Variants in ABCG2 observed in about 807,000 individuals in gnomAD.
ABCG2 encodes broad substrate specificity ATP-binding cassette transporter ABCG2.
Under a neutral mutation model 73.5 loss-of-function variants are expected in ABCG2, and 80 were observed. That is an observed-to-expected ratio of 1.09 (90% CI 0.91 to 1.31). The LOEUF (loss-of-function observed/expected upper bound fraction) is 1.31, where lower values mean the gene tolerates loss of function less well. ABCG2 is among the 50% of genes most tolerant of loss of function. ABCG2 has a pLI of 0.00. For synonymous variants in ABCG2, 269 were observed against 282.4 expected, an observed-to-expected ratio of 0.95 and a Z score of 0.48; for missense variants, 796 against 786.2, an observed-to-expected ratio of 1.01 and a Z score of -0.15.
Position 88,132,585 on chromosome 4 carries a change from C to T in ABCG2, c.254G>A (p.Gly85Asp). The T allele has an allele frequency of 6.2e-7, 1 of 1,614,154 alleles. No homozygotes were observed. Among genetic ancestry groups the T allele is most frequent in the Non-Finnish European group, 8.5e-7 (1 of 1,180,004 alleles). ...ACTCTCTTATACTCACGAAGATTTG[C>T]CTCCACCTGTGGGTCCCAGGATGGC... ...LNAILGPTGG[G>D]KSSLLDVLAA... Residue 85 changes from glycine to aspartate, a missense_variant, in exon 3 of 16, where the codon GGC becomes GAC. Physicochemically the swap from Gly to Asp is moderately conservative, Grantham distance 94. Coordinates refer to ENST00000237612, the MANE Select transcript of ABCG2 (RefSeq NM_004827.3).
chr4:88,179,920 A>T (rs2110099167), intron 1 of ABCG2, among the ~76,000 whole-genome samples: 2 of 152,330 alleles, frequency 1.3e-5, no homozygotes, highest in African/African-American at 4.8e-5. Flanking sequence ...AAAAAGAATG[A>T]AGCATGCCAA....
At position 88,175,197 on chromosome 4, in the gene ABCG2, T is replaced by C. The variant is rs576043906; in HGVS notation, c.-19-35183A>G. ...ACATGATTGCGTCTTAATAGTTTCGTTAACCACATCCTTTTGCCTTCCATT... is the reference window on the plus strand; with the variant it reads ...ACATGATTGCGTCTTAATAGTTTCGCTAACCACATCCTTTTGCCTTCCATT... On this transcript the variant is annotated intron_variant, in intron 1 of 15. Transcript: ENST00000515655. Among the ~76,000 whole-genome samples the C allele has an allele frequency of 7.9e-5, 12 of 152,366 alleles. No homozygotes were observed. In the East Asian group the frequency reaches 2.3e-3, roughly 29 times the overall value.
intron 1 of ABCG2, among the ~76,000 whole-genome samples, chr4:88,202,356 A>ATATATATATATATATATATATG: frequency 1.4e-5 from 1 of 72,628 alleles, no homozygotes; most frequent in Non-Finnish European, 3.2e-5. Flanking sequence ...ACAATTATTT[A>ATATATATATATATATATATATG]TATATATATA....
chr4:88,175,478 G>T (rs1365182767), intron 1 of ABCG2, among the ~76,000 whole-genome samples: 1 of 152,146 alleles, frequency 6.6e-6, no homozygotes, highest in Non-Finnish European at 1.5e-5. Context: ...TTAAGAATTT[G>T]TTCACCTCAA....
chr4:88,212,437 G>A (rs1729640304), intron 1 of ABCG2, among the ~76,000 whole-genome samples: 1 of 152,036 alleles, frequency 6.6e-6, no homozygotes, highest in Non-Finnish European at 1.5e-5. Context: ...CAGTATCTCC[G>A]AAAACGATCT....
rs544248579 is a variant in ABCG2 at position 88,113,235 on chromosome 4, T to C, written c.1194+68A>G. 7.8e-6 allele frequency: 12 copies of C among 1,547,564 alleles called. No individual in the cohort carries two copies. The South Asian group carries it at 1.3e-4, about 16-fold the overall frequency. ...GAAGGGTGGGTAGAAGATAAACATA[T>C]CCTGAAGCAGATGATAACAGAACCA... On this transcript the variant is annotated intron_variant, in intron 9 of 15. Transcript: ENST00000237612.
chr4:88,107,071 TA>T (rs1722815956), intron 10 of ABCG2, 112 bp downstream of exon 10: 3 of 799,620 alleles, frequency 3.8e-6, no homozygotes, highest in Admixed American at 2.8e-5. Flanking sequence ...CTACCCTCAA[TA>T]AAAGAATGAC....
intron 2 of ABCG2, among the ~76,000 whole-genome samples, chr4:88,136,289 C>CA (rs1180065065): frequency 1.3e-5 from 2 of 152,098 alleles, no homozygotes; most frequent in African/African-American, 4.8e-5. Flanking sequence ...AGGTCTCACT[C>CA]CACTGAGAAA....
intron 5 of ABCG2, among the ~76,000 whole-genome samples, chr4:88,123,211 G>A (rs974231318): frequency 1.3e-5 from 2 of 152,186 alleles, no homozygotes; most frequent in African/African-American, 4.8e-5. Flanking sequence ...ATAAATCTAT[G>A]AAGATGAGGA....
chr4:88,190,254 TA>T (rs1175450984), intron 1 of ABCG2, among the ~76,000 whole-genome samples: 1 of 152,198 alleles, frequency 6.6e-6, no homozygotes, highest in Non-Finnish European at 1.5e-5. Flanking sequence ...TAATCTCCTT[TA>T]TCTTCAGCCA....
rs569034320 is a variant in ABCG2, at chr4:88,165,806, G to A, written c.-19-25792C>T. Among the ~76,000 whole-genome samples the A allele has an allele frequency of 1.5e-3, 232 of 152,088 alleles. 1 individual carries two copies. Among genetic ancestry groups the A allele is most frequent in the African/African-American group, 5.3e-3 (220 of 41,490 alleles). On this transcript the variant is annotated intron_variant, in intron 1 of 15. Coordinates refer to the ABCG2 transcript ENST00000515655. ...GGAGAATCGCTTGAACCCGGGAGGCGGAGGTTGTGGTGAGCCAAGATTGTG... is the reference window on the plus strand; with the variant it reads ...GGAGAATCGCTTGAACCCGGGAGGCAGAGGTTGTGGTGAGCCAAGATTGTG...
chr4:88,121,877 A>G, intron 5 of ABCG2, 85 bp from the exon 6 acceptor site: 1 of 1,329,284 alleles, frequency 7.5e-7, no homozygotes, highest in Non-Finnish European at 1.0e-6. Flanking sequence ...GTCCTGTAAG[A>G]GACACTTTAT....
intron 1 of ABCG2, among the ~76,000 whole-genome samples, chr4:88,169,045 TC>T (rs1390293011): frequency 1.6e-4 from 15 of 94,310 alleles, no homozygotes; most frequent in Non-Finnish European, 1.9e-4. Context: ...GAAGTAGTTA[TC>T]TTTTTTTTTT....
intron 11 of ABCG2, 97 bp from the exon 12 acceptor site, chr4:88,099,545 G>C: frequency 7.7e-7 from 1 of 1,301,876 alleles, no homozygotes; most frequent in South Asian, 1.6e-5. Context: ...TGACAGCAGG[G>C]GTTGAACAAG....
intron 15 of ABCG2, among the ~76,000 whole-genome samples, chr4:88,093,578 T>C (rs1005876882): frequency 6.6e-6 from 1 of 151,496 alleles, no homozygotes; most frequent in African/African-American, 2.4e-5. Context: ...TCCGTTACCA[T>C]GAAGCCCATG....
chr4:88,129,859 AT>A (rs113099995), intron 5 of ABCG2, among the ~76,000 whole-genome samples: 154 of 152,150 alleles, frequency 1.0e-3, no homozygotes, highest in African/African-American at 3.6e-3. Context: ...CATTCATGTC[AT>A]TTTTTTCTTC....
At chr4:88,222,463 G>A (rs571678035) in intron 1 of ABCG2, among the ~76,000 whole-genome samples, 1 of 152,228 alleles carries the variant, frequency 6.6e-6, no homozygotes, top group African/African-American at 2.4e-5. Context: ...TGAGATTTGA[G>A]GGTTTAAAAA....
rs752456520 is a variant in ABCG2, at chr4:88,092,277, G to T, written c.1925C>A (p.Thr642Lys). The T allele has an allele frequency of 3.7e-6, 6 of 1,612,366 alleles. No individual in the cohort carries two copies. Among genetic ancestry groups the T allele is most frequent in the Non-Finnish European group, 5.1e-6 (6 of 1,178,902 alleles). Residue 642 changes from threonine (T) to lysine (K), a missense_variant, in exon 16 of 16, where the codon ACA becomes AAA. Transcript: ENST00000237612. ...AAATAACAATTTCAGGTAGGCAATT[G>T]TGAGGAAAATAACAATCATACAAGC... Reference protein sequence around the residue: ...ALACMIVIFLTIAYLKLLFLK... With the variant: ...ALACMIVIFLKIAYLKLLFLK...
chr4:88,145,796 C>T (rs1238910146), intron 1 of ABCG2, among the ~76,000 whole-genome samples: 3 of 151,092 alleles, frequency 2.0e-5, no homozygotes, highest in Admixed American at 6.7e-5. Context: ...AAAAATTAGC[C>T]GGGCGTGGTG....
Sources: gnomAD v4.1 joint callset for allele counts (sites outside exome capture counted in the v4.1 genomes callset) on GRCh38, gnomAD v4.1.1 for gene constraint, MANE v1.5 for transcripts, NCBI Gene and HGNC (gene_info 2026-07-23, HGNC 2026-07-21) for gene names.